WDR97: variants seen among roughly 807,000 people sequenced by gnomAD.
WDR97 encodes the protein WD repeat-containing protein 97.
Under a neutral mutation model 65.4 loss-of-function variants are expected in WDR97, and 111 were observed. The observed-to-expected ratio is 1.70, with a 90% CI of 1.45 to 1.99. WDR97 has a LOEUF of 1.99. Among genes scored for constraint, WDR97 ranks in the 30% most tolerant of loss-of-function variants. The probability of loss-of-function intolerance (pLI) is 0.00; values close to 1 mark genes in which losing one functional copy is unlikely to be tolerated. For synonymous variants in WDR97, 802 were observed against 397.7 expected (o/e 2.02, Z -12.10); for missense variants, 1,674 against 865.0 (o/e 1.94, Z -11.73).
chr8:144,114,986 A>G, intron 21 of WDR97, 75 bp downstream of exon 21: 1 of 622,064 alleles, frequency 1.6e-6, no homozygotes, highest in South Asian at 1.9e-5. Flanking sequence ...CCTGGGGTCA[A>G]AGCCAGCTGA....
chr8:144,107,950 C>T, intron 1 of WDR97, 88 bp downstream of exon 1: 2 of 701,688 alleles, frequency 2.9e-6, no homozygotes, highest in South Asian at 1.5e-5. Flanking sequence ...AACAAAACTC[C>T]CCTGGGCAGT....
chr8:144,110,287 G>T (rs765603414), intron 6 of WDR97, 31 bp downstream of exon 6: 1 of 701,878 alleles, frequency 1.4e-6, no homozygotes, highest in Non-Finnish European at 2.6e-6. Flanking sequence ...AGGCCAGGCC[G>T]CCACAGAGCC....
intron 8 of WDR97, 22 bp downstream of exon 8, chr8:144,110,761 G>T (rs1193700213): frequency 1.4e-6 from 1 of 702,726 alleles, no homozygotes; most frequent in Non-Finnish European, 2.6e-6. Context: ...GGTGGGGAGG[G>T]CTGGGGTCTC....
At position 144,109,695 on chromosome 8, in the gene WDR97, C is replaced by G. The variant is rs1836503510; in HGVS notation, c.1361C>G (p.Ser454Trp). ...CTCGTGTGCGCGTGCGCCGACGGCTCGGTCTACCTCCTGTCGGCGGCCACC... is the reference window on the plus strand; with the variant it reads ...CTCGTGTGCGCGTGCGCCGACGGCTGGGTCTACCTCCTGTCGGCGGCCACC... ...TRLVCACADG[S>W]VYLLSAATGR... Residue 454 changes from serine to tryptophan, a missense_variant, in exon 5 of 24, where the codon TCG (serine) becomes TGG (tryptophan). Coordinates refer to ENST00000323662, the MANE Select transcript of WDR97 (RefSeq NM_001316309.2). 3.0e-6 allele frequency: 2 copies of G among 672,674 alleles called. No homozygotes were observed. Among genetic ancestry groups the G allele is most frequent in the Non-Finnish European group, 5.4e-6 (2 of 372,076 alleles). The allele number at this position is 672,674 out of a possible 1,614,324, so 41.7% of individuals were successfully genotyped here.
chr8:144,115,039 A>AG, intron 21 of WDR97, 128 bp downstream of exon 21: 1 of 603,934 alleles, frequency 1.7e-6, no homozygotes, highest in Non-Finnish European at 2.9e-6. Context: ...CTGGGCCTCC[A>AG]GCCTCCCTGC....
At chr8:144,113,208 C>T (rs892371079) in intron 15 of WDR97, 9 of 567,064 alleles carry the variant, frequency 1.6e-5, no homozygotes, top group Admixed American at 3.3e-5. Context: ...CCAGGTTTCC[C>T]TTCTCGTTTG....
rs1234636104 is a variant in WDR97, at chr8:144,115,864, C to T, written c.4595+6C>T. 4.3e-6 allele frequency: 3 copies of T among 693,638 alleles called. No homozygotes were observed. The highest frequency in any genetic ancestry group is 2.6e-6 in the Non-Finnish European group (1 of 379,508). 43.0% of individuals were successfully genotyped at this position (693,638 alleles called of 1,614,324 possible). A position where few individuals can be genotyped will look rare whatever the true frequency, so the allele number is the denominator to read the frequency against. Reference sequence around the variant, plus strand: ...CCACCTCCGCGGGAGCACTGGTGCGCGGGGCCTGCGCCGGCGGGGCCTGCG... The same window carrying T: ...CCACCTCCGCGGGAGCACTGGTGCGTGGGGCCTGCGCCGGCGGGGCCTGCG... On this transcript the variant is annotated splice_donor_region_variant and intron_variant, in intron 22 of 23. Transcript: ENST00000323662.
rs1369126729 is a variant in WDR97 at position 144,114,836 on chromosome 8, C to T, written c.4002C>T (p.Gly1334=). The change falls in exon 21 of 24, where the codon GGC becomes GGT. Residue 1334 remains glycine (G), a synonymous_variant. Coordinates refer to ENST00000323662, the MANE Select transcript of WDR97 (RefSeq NM_001316309.2). ...AGGAGATGATGACCTGGGTCCAGGG[C>T]CCAGACCTGGACTCCAAGGCCGGCC... ...LFKEMMTWVQ[G]PDLDSKAGLR... 2.8e-6 allele frequency: 2 copies of T among 702,730 alleles called. No individual in the cohort carries two copies. The highest frequency in any genetic ancestry group is 5.2e-6 in the Non-Finnish European group (2 of 384,934). 43.5% of individuals were successfully genotyped at this position (702,730 alleles called of 1,614,324 possible).
rs1413948077 is a variant in WDR97 at position 144,114,040 on chromosome 8, C to T, written c.3472C>T (p.His1158Tyr). The change falls in exon 18 of 24, where the codon CAT (histidine) becomes TAT (tyrosine). Residue 1158 changes from histidine to tyrosine, a missense_variant. Coordinates refer to ENST00000323662, the MANE Select transcript of WDR97 (RefSeq NM_001316309.2). ...RSCKVARTHP[H>Y]PWHRHGSLLL... ...CTGCAAGGTTGCCAGGACCCACCCT[C>T]ATCCCTGGCACCGTCATGGGAGTTT... 2.8e-6 allele frequency: 2 copies of T among 702,862 alleles called. No homozygotes were observed. The highest frequency in any genetic ancestry group is 2.7e-5 in the East Asian group (1 of 37,284). 43.5% of individuals were successfully genotyped at this position (702,862 alleles called of 1,614,324 possible).
intron 15 of WDR97, chr8:144,112,932 C>T (rs1836578490): frequency 1.0e-5 from 3 of 298,524 alleles, no homozygotes; most frequent in Non-Finnish European, 1.9e-5. Flanking sequence ...CTTTAGAATC[C>T]ACTGTCTTCC....
chr8:144,114,730 C>G lies in WDR97; in HGVS notation c.3915-19C>G, dbSNP rs1356072918. On this transcript the variant is annotated intron_variant, in intron 20 of 23. Coordinates refer to ENST00000323662, the MANE Select transcript of WDR97 (RefSeq NM_001316309.2). The stretch of plus-strand genomic sequence containing the variant: ...GCCACTGGGAAGGCCTCTGGACAAG[C>G]CACATGCACCTGTCCCAGGCCAGAG... 7.0e-5 allele frequency: 49 copies of G among 701,972 alleles called. No individual in the cohort carries two copies. The highest frequency in any genetic ancestry group is 1.1e-4 in the Non-Finnish European group (42 of 384,522). The allele number at this position is 701,972 out of a possible 1,614,324, so 43.5% of individuals were successfully genotyped here.
In WDR97 at chr8:144,108,525, G is replaced by A. The variant is rs76662347; in HGVS notation, c.459G>A (p.Leu153=). The change falls in exon 3 of 24, where the codon CTG becomes CTA. Residue 153 remains leucine, a synonymous_variant. Transcript: ENST00000323662. ...TGGCGCCTGTCCGGCTTACGGGGCT[G>A]GTGACCGTGCTGGGCCCGCTGGGTG... ...TLLAPVRLTG[L]VTVLGPLGAV... is the part of the protein sequence containing the mutation. 0.011 allele frequency: 7,591 copies of A among 700,906 alleles called. 346 individuals carry two copies. The African/African-American group carries it at 0.11, about 10-fold the overall frequency. 43.4% of individuals were successfully genotyped at this position (700,906 alleles called of 1,614,324 possible).
Position 144,108,943 on chromosome 8 carries a change from A to G in WDR97, c.877A>G (p.Thr293Ala). 1.4e-6 allele frequency: 1 copy of G among 702,890 alleles called. No homozygotes were observed. The highest frequency in any genetic ancestry group is 2.6e-6 in the Non-Finnish European group (1 of 384,962). 43.5% of individuals were successfully genotyped at this position (702,890 alleles called of 1,614,324 possible). A position where few individuals can be genotyped will look rare whatever the true frequency, so the allele number is the denominator to read the frequency against. Residue 293 changes from threonine to alanine, a missense_variant and splice_region_variant, in exon 3 of 24, where the codon ACC becomes GCC. By Grantham distance (58) the Thr-to-Ala change is moderately conservative. Coordinates refer to ENST00000323662, the MANE Select transcript of WDR97 (RefSeq NM_001316309.2). ...AGATGTGCGCCGGGATTTGCACAAA[A>G]CGTGAGGGGGATCCCCCTAGGGAGG... ...LVDVRRDLHK[T>A]TISDLAYCEE...
rs1324548769 is a variant in WDR97, at chr8:144,116,349, A to C, written c.*56A>C. On this transcript the variant is annotated 3_prime_UTR_variant, in exon 24 of 24. Coordinates refer to ENST00000323662, the MANE Select transcript of WDR97 (RefSeq NM_001316309.2). ...TGGGGCCTGTCATTGGTATTTGGCC[A>C]AGGCCTGCATCGGGAATAAAGTCCA... is the stretch of plus-strand genomic sequence containing the variant. 3.5e-6 allele frequency: 2 copies of C among 577,902 alleles called. No homozygotes were observed. The highest frequency in any genetic ancestry group is 3.1e-6 in the Non-Finnish European group (1 of 324,910). 35.8% of individuals were successfully genotyped at this position (577,902 alleles called of 1,614,324 possible).
chr8:144,108,791 C>T lies in WDR97; in HGVS notation c.725C>T (p.Pro242Leu), dbSNP rs1310540694. ...CTGCGAGGGTCAGCACTGCACCCGC[C>T]CCCGAGCCCAACAGGCAGGCTCATG... Reference protein sequence around the residue: ...LVLRGSALHPPPSPTGRLMRL... With the variant: ...LVLRGSALHPLPSPTGRLMRL... Residue 242 changes from proline to leucine, a missense_variant, in exon 3 of 24, where the codon CCC (proline) becomes CTC (leucine). Transcript: ENST00000323662. The T allele has an allele frequency of 1.1e-5, 8 of 702,504 alleles. No homozygotes were observed. Among genetic ancestry groups the T allele is most frequent in the Non-Finnish European group, 2.1e-5 (8 of 384,836 alleles). 43.5% of individuals were successfully genotyped at this position (702,504 alleles called of 1,614,324 possible).
In WDR97 at chr8:144,117,599, C is replaced by CTTGTTTTGTTTTGTTTTGTTT. The variant is rs113569231; in HGVS notation, c.*1307_*1308insTGTTTTGTTTTGTTTTGTTTT. 5.3e-5 allele frequency: 8 copies of CTTGTTTTGTTTTGTTTTGTTT among 151,574 alleles called. No individual in the cohort carries two copies. Among genetic ancestry groups the CTTGTTTTGTTTTGTTTTGTTT allele is most frequent in the African/African-American group, 2.0e-4 (8 of 40,698 alleles). 9.4% of individuals were successfully genotyped at this position (151,574 alleles called of 1,614,324 possible). ...GGTCAGAGGATTTCTTTATGGCTAT[C>CTTGTTTTGTTTTGTTTTGTTT]TGTTTTGTTTTGTTTTGTTTTGTTT... On this transcript the variant is annotated 3_prime_UTR_variant, in exon 24 of 24. Coordinates refer to ENST00000323662, the MANE Select transcript of WDR97 (RefSeq NM_001316309.2).
chr8:144,110,930 G>C lies in WDR97; in HGVS notation c.2238G>C (p.Leu746=). The C allele has an allele frequency of 1.4e-6, 1 of 702,818 alleles. No homozygotes were observed. Among genetic ancestry groups the C allele is most frequent in the Non-Finnish European group, 2.6e-6 (1 of 384,990 alleles). The allele number at this position is 702,818 out of a possible 1,614,324, so 43.5% of individuals were successfully genotyped here. A position where few individuals can be genotyped will look rare whatever the true frequency, so the allele number is the denominator to read the frequency against. ...AFCSNSGDLV[L]ALGSRLCLVS... ...GCAGCAACAGTGGAGACCTGGTGCT[G>C]GCGCTGGGATCCCGCCTCTGCCTGG... The change falls in exon 9 of 24, where the codon CTG becomes CTC. Residue 746 remains leucine, a synonymous_variant. Transcript: ENST00000323662.
intron 18 of WDR97, 26 bp from the exon 19 acceptor site, chr8:144,114,252 C>G (rs1412562233): frequency 1.4e-6 from 1 of 695,262 alleles, no homozygotes; most frequent in Non-Finnish European, 2.6e-6. Flanking sequence ...GACATGGGAG[C>G]AGGGCCTCAG....
At chr8:144,113,359 A>C in intron 15 of WDR97, 81 bp from the exon 16 acceptor site, 1 of 691,142 alleles carries the variant, frequency 1.4e-6, no homozygotes, top group Non-Finnish European at 2.6e-6. Context: ...AGGGGCTCTG[A>C]GAGGTTATAC....
Sources: allele counts gnomAD v4.1 joint callset, GRCh38; gene constraint gnomAD v4.1.1; transcripts MANE v1.5; gene names NCBI Gene and HGNC (gene_info 2026-07-23, HGNC 2026-07-21).